FGF12: variants seen among roughly 807,000 people sequenced by gnomAD.
FGF12 encodes fibroblast growth factor 12B.
FGF12 carries 14 observed loss-of-function variants against 23.6 expected under a neutral mutation model. The observed-to-expected ratio is 0.59, with a 90% confidence interval of 0.39 to 0.93. The LOEUF (loss-of-function observed/expected upper bound fraction) is 0.93, where lower values mean the gene tolerates loss of function less well. Ranked by LOEUF, FGF12 falls within the 40% of genes least tolerant of loss-of-function variation. The pLI is 0.00. For missense variants in FGF12, 175 were observed against 217.8 expected (o/e 0.80, Z 1.24); for synonymous variants, 62 against 77.3 (o/e 0.80, Z 1.04).
chr3:192,421,386 A>C (rs974724270), intron 2 of FGF12, among the ~76,000 whole-genome samples: 6 of 151,556 alleles, frequency 4.0e-5, no homozygotes, highest in African/African-American at 1.2e-4. Context: ...AAAAGTATAT[A>C]GTCTAGAGTA....
intron 4 of FGF12, among the ~76,000 whole-genome samples, chr3:192,275,181 C>G (rs1441875027): frequency 6.6e-6 from 1 of 152,076 alleles, no homozygotes; most frequent in Non-Finnish European, 1.5e-5. Context: ...GCCCAACAGA[C>G]CAAACCAAGA....
At chr3:192,158,332 C>CTCTCTCTTTCTT (rs1553844038) in intron 5 of FGF12, among the ~76,000 whole-genome samples, 4 of 112,356 alleles carry the variant, frequency 3.6e-5, no homozygotes, top group Non-Finnish European at 5.4e-5. Context: ...TTCTTTCTTT[C>CTCTCTCTTTCTT]TCTTTCTTTC....
chr3:192,652,225 C>A lies in FGF12; in HGVS notation c.13+74956G>T, dbSNP rs553954409. ...CAAGGAACTATGGGAACCCATTGAA[C>A]AATTCATCATGTTCATGAGAATCAG... On this transcript the variant is annotated intron_variant, in intron 2 of 5. Transcript: ENST00000445105. Among the ~76,000 whole-genome samples, 13 of 152,258 alleles carry A rather than the reference C, an allele frequency of 8.5e-5. 1 individual carries two copies. The East Asian group carries it at 2.3e-3, about 27-fold the overall frequency.
At chr3:192,334,249 T>G (rs988484851) in intron 4 of FGF12, among the ~76,000 whole-genome samples, 6 of 152,096 alleles carry the variant, frequency 3.9e-5, no homozygotes, top group African/African-American at 1.4e-4. Flanking sequence ...TGAGGCTGCT[T>G]CTTCTGTGCA....
At chr3:192,398,741 G>A (rs1720633158) in intron 2 of FGF12, among the ~76,000 whole-genome samples, 2 of 152,116 alleles carry the variant, frequency 1.3e-5, no homozygotes, top group African/African-American at 2.4e-5. Flanking sequence ...TCCAGGACTG[G>A]CAGAGTAGAA....
At chr3:192,162,110 T>C (rs1714914480) in intron 5 of FGF12, among the ~76,000 whole-genome samples, 1 of 152,162 alleles carries the variant, frequency 6.6e-6, no homozygotes, top group Non-Finnish European at 1.5e-5. Flanking sequence ...TCCTCTGTAA[T>C]TTCCAAGAAG....
At chr3:192,221,034 T>C (rs1718445503) in intron 4 of FGF12, among the ~76,000 whole-genome samples, 1 of 152,202 alleles carries the variant, frequency 6.6e-6, no homozygotes, top group Non-Finnish European at 1.5e-5. Flanking sequence ...TGTGACTCCA[T>C]GAGAGGATGG....
At chr3:192,209,963 T>C (rs996596954) in intron 4 of FGF12, among the ~76,000 whole-genome samples, 3 of 152,020 alleles carry the variant, frequency 2.0e-5, no homozygotes, top group African/African-American at 7.2e-5. Flanking sequence ...TGATTAAAGA[T>C]AAAAAAAATA....
chr3:192,415,861 C>T (rs993131741), intron 2 of FGF12, among the ~76,000 whole-genome samples: 4 of 151,638 alleles, frequency 2.6e-5, no homozygotes, highest in Non-Finnish European at 4.4e-5. Context: ...ACTTTAAAAT[C>T]TCAGAATATG....
At chr3:192,292,229 G>A (rs1164792813) in intron 4 of FGF12, among the ~76,000 whole-genome samples, 1 of 152,016 alleles carries the variant, frequency 6.6e-6, no homozygotes, top group African/African-American at 2.4e-5. Flanking sequence ...GACAAATCAC[G>A]TGGTTTCTTT....
intron 2 of FGF12, among the ~76,000 whole-genome samples, chr3:192,503,506 C>T (rs545684108): frequency 6.6e-5 from 10 of 151,550 alleles, no homozygotes; most frequent in Admixed American, 1.3e-4. Context: ...ATTTTTTATC[C>T]GTGAAAAACC....
intron 2 of FGF12, among the ~76,000 whole-genome samples, chr3:192,564,893 TA>T (rs1712206750): frequency 6.6e-6 from 1 of 152,260 alleles, no homozygotes; most frequent in African/African-American, 2.4e-5. Flanking sequence ...GCATTGGTTC[TA>T]ATCTACTCTC....
chr3:192,457,255 T>A (rs1722709064), intron 2 of FGF12, among the ~76,000 whole-genome samples: 1 of 151,956 alleles, frequency 6.6e-6, no homozygotes, highest in African/African-American at 2.4e-5. Flanking sequence ...ACCAGTAGAG[T>A]GGGGTGTTGC....
intron 4 of FGF12, among the ~76,000 whole-genome samples, chr3:192,192,045 T>G (rs538062727): frequency 7.2e-5 from 11 of 152,280 alleles, no homozygotes; most frequent in African/African-American, 2.6e-4. Context: ...AGTGGTAAAA[T>G]CTGGTGCTCT....
At chr3:192,438,660 G>A (rs1722100277) in intron 2 of FGF12, among the ~76,000 whole-genome samples, 1 of 152,178 alleles carries the variant, frequency 6.6e-6, no homozygotes, top group East Asian at 1.9e-4. Context: ...GCTGTAATCA[G>A]GCAGACTCCA....
intron 3 of FGF12, among the ~76,000 whole-genome samples, chr3:192,359,044 A>G (rs114066401): frequency 0.024 from 3,600 of 152,258 alleles, 143 homozygotes; most frequent in African/African-American, 0.08. Context: ...ATGAAAGTAC[A>G]TGGAGAGAAA....
chr3:192,640,255 T>C (rs1715742457), intron 2 of FGF12, among the ~76,000 whole-genome samples: 2 of 152,196 alleles, frequency 1.3e-5, no homozygotes, highest in South Asian at 4.1e-4. Flanking sequence ...ATGATGGATA[T>C]GTAAATCTGA....
chr3:192,579,805 G>C (rs1187039046), intron 2 of FGF12, among the ~76,000 whole-genome samples: 1 of 152,126 alleles, frequency 6.6e-6, no homozygotes, highest in Non-Finnish European at 1.5e-5. Flanking sequence ...CCTGACCTCA[G>C]GTGGTCCGAT....
intron 2 of FGF12, among the ~76,000 whole-genome samples, chr3:192,361,201 T>C (rs1033875457): frequency 2.8e-5 from 4 of 142,502 alleles, no homozygotes; most frequent in African/African-American, 1.0e-4. Context: ...AATCAAGTCA[T>C]ACATATTTAT....
Sources: allele counts gnomAD v4.1 joint callset (sites outside exome capture counted in the v4.1 genomes callset), GRCh38; gene constraint gnomAD v4.1.1; transcripts MANE v1.5; gene names NCBI Gene and HGNC (gene_info 2026-07-23, HGNC 2026-07-21).